Variants in IL1RL2 observed in about 807,000 individuals in gnomAD.
The protein encoded by IL1RL2 is interleukin 1 receptor like 2, also known as interleukin-1 receptor-like 2.
A neutral mutation model predicts 66.8 loss-of-function variants in IL1RL2; 68 were observed. The observed-to-expected ratio is 1.02, with a 90% CI of 0.84 to 1.25. The LOEUF (loss-of-function observed/expected upper bound fraction) is 1.25. IL1RL2 is among the 50% of genes most tolerant of loss of function. The probability of loss-of-function intolerance (pLI) is 0.00; values close to 1 mark genes in which losing one functional copy is unlikely to be tolerated. For synonymous variants in IL1RL2, 305 were observed against 264.6 expected, an observed-to-expected ratio of 1.15 and a Z score of -1.48; for missense variants, 729 against 709.3, an observed-to-expected ratio of 1.03 and a Z score of -0.32.
intron 6 of IL1RL2, among the ~76,000 whole-genome samples, 194 bp downstream of exon 6, chr2:102,212,368 GT>G (rs1178263394): frequency 1.3e-5 from 2 of 152,148 alleles, no homozygotes; most frequent in Non-Finnish European, 2.9e-5. Flanking sequence ...TGGAAAAGTT[GT>G]GGTAGCAGAG....
chr2:102,242,690 T>C (rs563862811), downstream of IL1RL2, among the ~76,000 whole-genome samples: 1 of 152,042 alleles, frequency 6.6e-6, no homozygotes, highest in South Asian at 2.1e-4. Context: ...GCTCACTGTC[T>C]TACTGAGTCC....
At chr2:102,233,721 G>A (rs1012465429) in intron 10 of IL1RL2, among the ~76,000 whole-genome samples, 4 of 152,078 alleles carry the variant, frequency 2.6e-5, no homozygotes, top group Non-Finnish European at 5.9e-5. Context: ...TCAGATGAGA[G>A]AACTGAATGA....
At chr2:102,222,571 T>C (rs939903546) in intron 8 of IL1RL2, among the ~76,000 whole-genome samples, 1 of 152,232 alleles carries the variant, frequency 6.6e-6, no homozygotes, top group South Asian at 2.1e-4. Context: ...GTCACCTTCA[T>C]CTACCCCACA....
downstream of IL1RL2, among the ~76,000 whole-genome samples, chr2:102,240,333 T>A (rs1328106163): frequency 1.4e-5 from 2 of 147,424 alleles, no homozygotes; most frequent in African/African-American, 2.5e-5. Context: ...TCTGATGGCC[T>A]CATTTCTCCA....
intron 4 of IL1RL2, among the ~76,000 whole-genome samples, chr2:102,196,380 A>G (rs951797096): frequency 2.0e-5 from 3 of 152,194 alleles, no homozygotes; most frequent in Non-Finnish European, 4.4e-5. Flanking sequence ...TTGGTGATCC[A>G]GGTATGGCTG....
intron 4 of IL1RL2, among the ~76,000 whole-genome samples, chr2:102,197,346 C>G (rs1882514): frequency 0.27 from 40,456 of 151,878 alleles, 6,340 homozygotes; most frequent in East Asian, 0.38. Context: ...GGAAGTGATT[C>G]AAGTGATGGA....
chr2:102,205,763 G>A (rs1688649944), intron 5 of IL1RL2, among the ~76,000 whole-genome samples: 2 of 152,186 alleles, frequency 1.3e-5, no homozygotes, highest in Admixed American at 1.3e-4. Context: ...TGTATTTGGG[G>A]ACTGATATCT....
intron 4 of IL1RL2, among the ~76,000 whole-genome samples, chr2:102,194,898 G>C (rs1364782902): frequency 7.0e-6 from 1 of 143,346 alleles, no homozygotes; most frequent in Non-Finnish European, 1.6e-5. Flanking sequence ...ACCTTGTCCA[G>C]GAGGTATCAT....
intron 4 of IL1RL2, among the ~76,000 whole-genome samples, chr2:102,194,761 T>C (rs1362024737): frequency 3.9e-5 from 6 of 152,064 alleles, no homozygotes; most frequent in Non-Finnish European, 7.4e-5. Flanking sequence ...GTGAAAATTT[T>C]TTTTGAGACT....
chr2:102,235,754 C>A (rs775633664), intron 11 of IL1RL2: 1 of 985,398 alleles, frequency 1.0e-6, no homozygotes, highest in Non-Finnish European at 1.2e-6. Flanking sequence ...GTCTTCAGGG[C>A]CCCATGCTCA....
chr2:102,205,098 T>G (rs1688595425), intron 5 of IL1RL2, among the ~76,000 whole-genome samples: 1 of 152,092 alleles, frequency 6.6e-6, no homozygotes, highest in South Asian at 2.1e-4. Flanking sequence ...GATAACAACT[T>G]AATATTGTTT....
chr2:102,193,376 T>C (rs1283819362), intron 4 of IL1RL2, among the ~76,000 whole-genome samples: 3 of 152,338 alleles, frequency 2.0e-5, no homozygotes, highest in East Asian at 3.9e-4. Flanking sequence ...CAGAATTTTG[T>C]ATCAGTTTAT....
At chr2:102,227,473 A>T (rs1343052508) in intron 9 of IL1RL2, among the ~76,000 whole-genome samples, 2 of 152,190 alleles carry the variant, frequency 1.3e-5, no homozygotes, top group Non-Finnish European at 2.9e-5. Flanking sequence ...GTAGAAAGCG[A>T]TAAACTCCTT....
rs1437774497 is a variant in IL1RL2 at position 102,232,848 on chromosome 2, A to C, written c.1136-115A>C. 3.3e-6 allele frequency: 4 copies of C among 1,196,900 alleles called. No homozygotes were observed. In the Admixed American group the frequency reaches 9.4e-5, roughly 28 times the overall value. 74.1% of individuals were successfully genotyped at this position (1,196,900 alleles called of 1,614,324 possible). A position where few individuals can be genotyped will look rare whatever the true frequency, so the allele number is the denominator to read the frequency against. ...CACCAAGTCAGCCAACTGGGCACTC[A>C]GAAGTCATGGAACCCAGGCCAAAGG... On this transcript the variant is annotated intron_variant, in intron 9 of 11. Coordinates refer to ENST00000264257, the MANE Select transcript of IL1RL2 (RefSeq NM_003854.4).
chr2:102,187,124 G>A, intron 1 of IL1RL2, 38 bp downstream of exon 1: 1 of 1,287,232 alleles, frequency 7.8e-7, no homozygotes, highest in South Asian at 1.2e-5. Flanking sequence ...AGCCAGGCAT[G>A]GGTGGGGCCC....
chr2:102,193,406 TA>T (rs1414297532), intron 4 of IL1RL2, among the ~76,000 whole-genome samples: 1 of 152,236 alleles, frequency 6.6e-6, no homozygotes, highest in African/African-American at 2.4e-5. Context: ...AGGAGTATTT[TA>T]TTTTACTTTA....
In IL1RL2 at chr2:102,201,268, T is replaced by A. The variant is rs138196375; in HGVS notation, c.490-288T>A. On this transcript the variant is annotated intron_variant, in intron 4 of 11. Coordinates refer to ENST00000264257, the MANE Select transcript of IL1RL2 (RefSeq NM_003854.4). The stretch of plus-strand genomic sequence containing the variant: ...TAGACTTATTGTTTGTATCATTCAC[T>A]TCAGCCTGTAAAATATCCTTTGTCA... Among the ~76,000 whole-genome samples the A allele has an allele frequency of 1.2e-4, 18 of 152,288 alleles. 1 individual carries two copies. In the East Asian group the frequency reaches 3.5e-3, roughly 29 times the overall value.
chr2:102,201,750 TC>T, intron 5 of IL1RL2, 35 bp downstream of exon 5: 1 of 1,594,642 alleles, frequency 6.3e-7, no homozygotes, highest in Non-Finnish European at 8.6e-7. Flanking sequence ...CGCCTTGTAT[TC>T]TCTTGGCTTT....
At chr2:102,218,868 T>A in intron 6 of IL1RL2, 85 bp from the exon 7 acceptor site, 1 of 1,167,136 alleles carries the variant, frequency 8.6e-7, no homozygotes, top group East Asian at 2.4e-5. Flanking sequence ...GGCTCGAGAG[T>A]ACGATGCACT....
Sources: allele counts gnomAD v4.1 joint callset (sites outside exome capture counted in the v4.1 genomes callset), GRCh38; gene constraint gnomAD v4.1.1; transcripts MANE v1.5; gene names NCBI Gene and HGNC (gene_info 2026-07-23, HGNC 2026-07-21).